Variants in UBA6 observed in about 807,000 individuals in gnomAD.
UBA6 encodes the protein ubiquitin-like modifier-activating enzyme 6.
In UBA6, 87 loss-of-function variants were observed where a neutral mutation model predicts 148.3. The observed-to-expected ratio is 0.59, with a 90% CI of 0.49 to 0.70. The LOEUF is 0.70. UBA6 is among the 30% of genes least tolerant of loss of function. The pLI is 0.00. For missense variants in UBA6, 1,186 were observed against 1,241.2 expected (o/e 0.96, Z 0.67); for synonymous variants, 376 against 401.0 (o/e 0.94, Z 0.75).
intron 30 of UBA6, among the ~76,000 whole-genome samples, chr4:67,623,879 T>C (rs1193461874): frequency 6.6e-6 from 1 of 152,090 alleles, no homozygotes; most frequent in African/African-American, 2.4e-5. Context: ...TTCTAATTCA[T>C]CTGGCAGACA....
chr4:67,623,269 T>G, intron 30 of UBA6, 47 bp from the exon 31 acceptor site: 1 of 1,456,448 alleles, frequency 6.9e-7, no homozygotes, highest in Non-Finnish European at 9.6e-7. Flanking sequence ...ATTTTCTTCC[T>G]TTTAGTGATG....
intron 2 of UBA6, among the ~76,000 whole-genome samples, chr4:67,683,991 T>C (rs937406648): frequency 2.0e-5 from 3 of 152,252 alleles, no homozygotes; most frequent in African/African-American, 4.8e-5. Context: ...GGCAGGAGAA[T>C]TGCTTGAGCC....
chr4:67,662,163 G>A lies in UBA6; in HGVS notation c.1104+26C>T, dbSNP rs190908213. 229 of 1,604,032 alleles carry A rather than the reference G, an allele frequency of 1.4e-4. 2 individuals carry two copies. In the East Asian group the frequency reaches 3.1e-3, roughly 22 times the overall value. Reference sequence around the variant, plus strand: ...CTTATGTATTAACAAACAAATATTCGGACAGCCATAAATTTCAATAGTCAC... The same window carrying A: ...CTTATGTATTAACAAACAAATATTCAGACAGCCATAAATTTCAATAGTCAC... On this transcript the variant is annotated intron_variant, in intron 13 of 32. Coordinates refer to ENST00000322244, the MANE Select transcript of UBA6 (RefSeq NM_018227.6).
At chr4:67,626,916 T>C (rs980124459) in intron 27 of UBA6, among the ~76,000 whole-genome samples, 1 of 151,996 alleles carries the variant, frequency 6.6e-6, no homozygotes, top group African/African-American at 2.4e-5. Flanking sequence ...TTTAAACGCA[T>C]GTTGCTTTGC....
intron 9 of UBA6, 120 bp from the exon 10 acceptor site, chr4:67,665,412 T>TG: frequency 1.8e-6 from 1 of 570,842 alleles, no homozygotes; most frequent in Non-Finnish European, 2.9e-6. Flanking sequence ...TCCAGCATAG[T>TG]GTTTTTTTTT....
At chr4:67,683,090 T>C (rs1384302994) in intron 2 of UBA6, among the ~76,000 whole-genome samples, 1 of 152,190 alleles carries the variant, frequency 6.6e-6, no homozygotes, top group Non-Finnish European at 1.5e-5. Context: ...CCCTGTTTCA[T>C]ACAAAATATA....
At chr4:67,665,333 T>C (rs1189358862) in intron 9 of UBA6, 41 bp from the exon 10 acceptor site, 4 of 1,221,732 alleles carry the variant, frequency 3.3e-6, no homozygotes, top group Non-Finnish European at 2.3e-6. Flanking sequence ...CACAGGGATA[T>C]AGATATTTAA....
Position 67,618,086 on chromosome 4 carries a change from A to G in UBA6, c.*911T>C, listed in dbSNP as rs1395515484. The G allele has an allele frequency of 9.1e-6, 1 of 109,678 alleles. No individual in the cohort carries two copies. The highest frequency in any genetic ancestry group is 3.2e-5 in the African/African-American group (1 of 31,364). 6.8% of individuals were successfully genotyped at this position (109,678 alleles called of 1,614,324 possible). On this transcript the variant is annotated 3_prime_UTR_variant, in exon 33 of 33. Coordinates refer to ENST00000322244, the MANE Select transcript of UBA6 (RefSeq NM_018227.6). ...TTTAATACCCTAATTAGGTTTCTGG[A>G]AAAAAAAAAGACTACCCTAGCAATA...
At chr4:67,621,266 A>G (rs1278182756) in intron 32 of UBA6, among the ~76,000 whole-genome samples, 1 of 152,250 alleles carries the variant, frequency 6.6e-6, no homozygotes, top group Non-Finnish European at 1.5e-5. Context: ...TAAGGTACAG[A>G]TAATTCAGAC....
chr4:67,668,764 C>T (rs1730070393), intron 8 of UBA6, 90 bp from the exon 9 acceptor site: 3 of 1,299,126 alleles, frequency 2.3e-6, no homozygotes, highest in African/African-American at 1.5e-5. Flanking sequence ...GACAAAGTTA[C>T]CATAAAATTC....
intron 9 of UBA6, among the ~76,000 whole-genome samples, chr4:67,666,329 CCTTTA>C (rs1729995220): frequency 6.6e-6 from 1 of 151,164 alleles, no homozygotes; most frequent in Admixed American, 6.6e-5. Flanking sequence ...GTAAGCCCCC[CCTTTA>C]CTTAATATAT....
chr4:67,661,643 A>T (rs1473490126), intron 13 of UBA6: 3 of 152,688 alleles, frequency 2.0e-5, no homozygotes, highest in Non-Finnish European at 4.4e-5. Context: ...AAGAACAAAA[A>T]TAATAGAATC....
In UBA6 at chr4:67,686,897, A is replaced by G. The variant is rs527278549; in HGVS notation, c.135-4684T>C. On this transcript the variant is annotated intron_variant, in intron 2 of 32. Coordinates refer to ENST00000322244, the MANE Select transcript of UBA6 (RefSeq NM_018227.6). ...TGAGCCTAACAGTTTGAGGTTACAG[A>G]GAGCTATGATCACGCCACTGCCCCC... 7.4e-5 allele frequency among the ~76,000 whole-genome samples: 10 copies of G among 134,572 alleles called. No homozygotes were observed. The East Asian group carries it at 2.3e-3, about 31-fold the overall frequency. The allele number at this position is 134,572 out of a possible 152,430, so 88.3% of individuals were successfully genotyped here. A position where few individuals can be genotyped will look rare whatever the true frequency, so the allele number is the denominator to read the frequency against.
Position 67,618,259 on chromosome 4 carries a change from C to T in UBA6, c.*738G>A, listed in dbSNP as rs1389108310. 1.3e-5 allele frequency: 2 copies of T among 152,478 alleles called. No individual in the cohort carries two copies. The highest frequency in any genetic ancestry group is 4.8e-5 in the African/African-American group (2 of 41,416). 9.4% of individuals were successfully genotyped at this position (152,478 alleles called of 1,614,324 possible). A position where few individuals can be genotyped will look rare whatever the true frequency, so the allele number is the denominator to read the frequency against. ...CATACTGAAGAATCAAATGGTTAGC[C>T]ACATTTGTCTGTTCACATTCACGGA... On this transcript the variant is annotated 3_prime_UTR_variant, in exon 33 of 33. Coordinates refer to ENST00000322244, the MANE Select transcript of UBA6 (RefSeq NM_018227.6).
At chr4:67,646,483 C>T (rs993664506) in intron 15 of UBA6, among the ~76,000 whole-genome samples, 1 of 152,062 alleles carries the variant, frequency 6.6e-6, no homozygotes, top group Non-Finnish European at 1.5e-5. Flanking sequence ...CATCTAATGT[C>T]ATTATGGTAT....
chr4:67,672,701 T>A (rs1193073635), intron 7 of UBA6, among the ~76,000 whole-genome samples: 2 of 152,170 alleles, frequency 1.3e-5, no homozygotes, highest in East Asian at 1.9e-4. Flanking sequence ...CCTCTTATTG[T>A]TCCTCAAAAC....
At chr4:67,646,082 A>G (rs1275959712) in intron 15 of UBA6, 66 bp from the exon 16 acceptor site, 1 of 875,820 alleles carries the variant, frequency 1.1e-6, no homozygotes, top group African/African-American at 1.7e-5. Context: ...CACTGTCATT[A>G]ATACCAATTT....
rs1351798264 is a variant in UBA6 at position 67,617,315 on chromosome 4, C to T, written c.*1682G>A. 1 of 152,116 alleles carries T rather than the reference C, an allele frequency of 6.6e-6. No homozygotes were observed. The highest frequency in any genetic ancestry group is 6.6e-5 in the Admixed American group (1 of 15,260). The allele number at this position is 152,116 out of a possible 1,614,324, so 9.4% of individuals were successfully genotyped here. A position where few individuals can be genotyped will look rare whatever the true frequency, so the allele number is the denominator to read the frequency against. Reference sequence around the variant, plus strand: ...AAAGTCCTTTTATTAGTCCTATCCTCTAAAATTCCAAGCCACAGAGCCTTG... The same window carrying T: ...AAAGTCCTTTTATTAGTCCTATCCTTTAAAATTCCAAGCCACAGAGCCTTG... On this transcript the variant is annotated 3_prime_UTR_variant, in exon 33 of 33. Coordinates refer to ENST00000322244, the MANE Select transcript of UBA6 (RefSeq NM_018227.6).
At chr4:67,697,091 C>T (rs1039907334) in intron 1 of UBA6, among the ~76,000 whole-genome samples, 3 of 152,222 alleles carry the variant, frequency 2.0e-5, no homozygotes, top group South Asian at 2.1e-4. Context: ...CTGCAACGTC[C>T]ACCTCCTGGT....
Sources: gnomAD v4.1 joint callset for allele counts (sites outside exome capture counted in the v4.1 genomes callset) on GRCh38, gnomAD v4.1.1 for gene constraint, MANE v1.5 for transcripts, NCBI Gene and HGNC (gene_info 2026-07-23, HGNC 2026-07-21) for gene names.